BLK: variants seen among roughly 807,000 people sequenced by gnomAD.
The protein encoded by BLK is BLK proto-oncogene, Src family tyrosine kinase, also known as tyrosine-protein kinase Blk.
A neutral mutation model predicts 61.8 loss-of-function variants in BLK; 64 were observed. That is an observed-to-expected ratio of 1.03 (90% confidence interval 0.85 to 1.27). BLK has a LOEUF of 1.27. Ranked by LOEUF, BLK falls within the 50% of genes most tolerant of loss-of-function variation. BLK has a pLI of 0.00. For missense variants in BLK, 853 were observed against 660.5 expected, an observed-to-expected ratio of 1.29 and a Z score of -3.19; for synonymous variants, 351 against 272.0, an observed-to-expected ratio of 1.29 and a Z score of -2.86.
intron 10 of BLK, chr8:11,558,318 G>C (rs932042573): frequency 4.3e-6 from 2 of 462,904 alleles, no homozygotes; most frequent in Non-Finnish European, 8.1e-6. Flanking sequence ...CTGTTCCGAA[G>C]GAAGAGAGGG....
chr8:11,510,270 GT>G (rs1001641591), intron 1 of BLK, among the ~76,000 whole-genome samples: 3 of 152,142 alleles, frequency 2.0e-5, no homozygotes, highest in Non-Finnish European at 2.9e-5. Flanking sequence ...AGTGACTTGA[GT>G]TTTTCATCTC....
chr8:11,553,431 C>G (rs1170090200), intron 6 of BLK: 1 of 436,018 alleles, frequency 2.3e-6, no homozygotes, highest in Admixed American at 2.5e-5. Flanking sequence ...GTCGTCTTTA[C>G]AAAGGACACC....
chr8:11,559,641 G>T (rs34190028), intron 10 of BLK: 161,694 of 410,166 alleles, frequency 0.39, 35,101 homozygotes, highest in Non-Finnish European at 0.49. Flanking sequence ...TTTCTTCCAA[G>T]GCCAGATCTG....
At chr8:11,550,397 C>G (rs2117499289) in intron 6 of BLK, 135 bp downstream of exon 6, 2 of 828,240 alleles carry the variant, frequency 2.4e-6, no homozygotes, top group South Asian at 2.9e-5. Context: ...GTGTCCCTCC[C>G]AATTCAGGCC....
intron 1 of BLK, among the ~76,000 whole-genome samples, chr8:11,519,520 A>G (rs577004380): frequency 2.0e-5 from 3 of 152,360 alleles, no homozygotes; most frequent in Admixed American, 6.5e-5. Flanking sequence ...GAATGACATT[A>G]AAAAGGTTTA....
intron 1 of BLK, among the ~76,000 whole-genome samples, chr8:11,538,506 A>G (rs538958633): frequency 7.2e-5 from 11 of 152,366 alleles, no homozygotes; most frequent in Middle Eastern, 3.4e-3. Context: ...AAGTGTAAGT[A>G]GTGGGTCATT....
intron 3 of BLK, 46 bp from the exon 4 acceptor site, chr8:11,547,986 C>T (rs759308289): frequency 9.4e-5 from 145 of 1,538,444 alleles, no homozygotes; most frequent in Non-Finnish European, 1.3e-4. Flanking sequence ...CCCACCTTCC[C>T]GCTTGTGGGC....
chr8:11,501,958 A>C (rs575433377), intron 1 of BLK, among the ~76,000 whole-genome samples: 3 of 152,390 alleles, frequency 2.0e-5, no homozygotes, highest in African/African-American at 7.2e-5. Context: ...TTTTAAGCAT[A>C]GAAAATCCAT....
intron 10 of BLK, chr8:11,561,013 A>C: frequency 1.7e-6 from 1 of 601,042 alleles, no homozygotes; most frequent in Non-Finnish European, 3.1e-6. Flanking sequence ...GTGTTCTTCT[A>C]TCTTCCATCT....
Position 11,562,833 on chromosome 8 carries a change from T to G in BLK, c.1181-146T>G, listed in dbSNP as rs953586304. The G allele has an allele frequency of 5.4e-5, 56 of 1,029,426 alleles. No homozygotes were observed. In the African/African-American group the frequency reaches 7.8e-4, roughly 14 times the overall value. The allele number at this position is 1,029,426 out of a possible 1,614,324, so 63.8% of individuals were successfully genotyped here. Reference sequence around the variant, plus strand: ...ATGTGTCCTGGTGTGCGGTAGTGGCTCCCCCGCCATGCCTGGCCGCCCCGC... The same window carrying G: ...ATGTGTCCTGGTGTGCGGTAGTGGCGCCCCCGCCATGCCTGGCCGCCCCGC... On this transcript the variant is annotated intron_variant, in intron 11 of 12. Coordinates refer to ENST00000259089, the MANE Select transcript of BLK (RefSeq NM_001715.3).
At chr8:11,535,322 A>AAGAAAGAG (rs1337255124) in intron 1 of BLK, among the ~76,000 whole-genome samples, 1 of 114,996 alleles carries the variant, frequency 8.7e-6, no homozygotes, top group Non-Finnish European at 2.0e-5. Flanking sequence ...GAAAGAAAGA[A>AAGAAAGAG]AGAGAAGGAA....
At position 11,494,412 on chromosome 8, in the gene BLK, C is replaced by T. The variant is rs1040860083; in HGVS notation, c.-181C>T. 1 of 152,406 alleles carries T rather than the reference C, an allele frequency of 6.6e-6. No individual in the cohort carries two copies. The allele number at this position is 152,406 out of a possible 1,614,324, so 9.4% of individuals were successfully genotyped here. A position where few individuals can be genotyped will look rare whatever the true frequency, so the allele number is the denominator to read the frequency against. ...AGACCGGGGGTGCTGCCACCTCTGT[C>T]TGCTGCCGGCAGAAAGCCACAAGCC... On this transcript the variant is annotated 5_prime_UTR_variant, in exon 1 of 13. Transcript: ENST00000259089.
At chr8:11,500,550 C>G (rs913936589) in intron 1 of BLK, among the ~76,000 whole-genome samples, 1 of 151,920 alleles carries the variant, frequency 6.6e-6, no homozygotes, top group Non-Finnish European at 1.5e-5. Flanking sequence ...GGGTCTCGCT[C>G]TGCCTCCCAG....
intron 6 of BLK, chr8:11,554,206 A>G (rs1207136114): frequency 6.0e-6 from 1 of 165,962 alleles, no homozygotes; most frequent in Non-Finnish European, 1.3e-5. Context: ...ACATTAACCT[A>G]GAAGACAAAA....
intron 1 of BLK, among the ~76,000 whole-genome samples, chr8:11,497,049 G>A (rs1320362545): frequency 6.6e-6 from 1 of 152,110 alleles, no homozygotes; most frequent in Non-Finnish European, 1.5e-5. Context: ...CCTCTTGCAG[G>A]CCCAGCAGAG....
At chr8:11,559,430 A>G (rs1055512756) in intron 10 of BLK, among the ~76,000 whole-genome samples, 1 of 150,466 alleles carries the variant, frequency 6.6e-6, no homozygotes. Context: ...CACACACACA[A>G]ACTCACACAG....
rs577679571 is a variant in BLK at position 11,524,535 on chromosome 8, G to A, written c.-1-18689G>A. ...ACTACATACTTCCATACTGCTGTACGAAATGTCTGAAGGACAATTTGCCAA... is the reference window on the plus strand; with the variant it reads ...ACTACATACTTCCATACTGCTGTACAAAATGTCTGAAGGACAATTTGCCAA... On this transcript the variant is annotated intron_variant, in intron 1 of 12. Coordinates refer to ENST00000259089, the MANE Select transcript of BLK (RefSeq NM_001715.3). Among the ~76,000 whole-genome samples the A allele has an allele frequency of 3.1e-4, 47 of 152,296 alleles. No homozygotes were observed. The South Asian group carries it at 7.5e-3, about 24-fold the overall frequency.
At position 11,554,899 on chromosome 8, in the gene BLK, G is replaced by T. The variant is rs2117543498; in HGVS notation, c.619+10G>T. On this transcript the variant is annotated intron_variant, in intron 7 of 12. Transcript: ENST00000259089. ...GTGCAGCACTATTCTAGTAAGAGGG[G>T]GCGTGCAATGGGGGCAGGGACTTGT... 6.2e-7 allele frequency: 1 copy of T among 1,611,552 alleles called. No homozygotes were observed. The highest frequency in any genetic ancestry group is 1.1e-5 in the South Asian group (1 of 91,024).
chr8:11,561,218 G>A (rs1801491354), intron 10 of BLK, 84 bp from the exon 11 acceptor site: 2 of 1,536,922 alleles, frequency 1.3e-6, no homozygotes, highest in South Asian at 1.2e-5. Context: ...GCAGCCCACA[G>A]GGGCTGTGCG....
Sources: gnomAD v4.1 joint callset for allele counts (sites outside exome capture counted in the v4.1 genomes callset) on GRCh38, gnomAD v4.1.1 for gene constraint, MANE v1.5 for transcripts, NCBI Gene and HGNC (gene_info 2026-07-23, HGNC 2026-07-21) for gene names.